Variants in DYNC1H1 observed in about 807,000 individuals in gnomAD.
The protein encoded by DYNC1H1 is dynein cytoplasmic 1 heavy chain 1.
In DYNC1H1, 51 loss-of-function variants were observed where a neutral mutation model predicts 527.1. That is an observed-to-expected ratio of 0.10 (90% confidence interval 0.08 to 0.12). The LOEUF is 0.12. Ranked by LOEUF, DYNC1H1 falls within the 10% of genes least tolerant of loss-of-function variation. DYNC1H1 has a pLI of 1.00. For missense variants in DYNC1H1, 2,771 were observed against 5,971.8 expected, an observed-to-expected ratio of 0.46 and a Z score of 17.66; for synonymous variants, 2,189 against 2,278.8, an observed-to-expected ratio of 0.96 and a Z score of 1.12.
chr14:101,994,554 A>G (rs2048036056), intron 12 of DYNC1H1, 119 bp from the exon 13 acceptor site: 11 of 1,417,016 alleles, frequency 7.8e-6, no homozygotes, highest in Non-Finnish European at 1.1e-5. Flanking sequence ...CTGAAGTGAG[A>G]ATTTCTCTAA....
intron 23 of DYNC1H1, among the ~76,000 whole-genome samples, chr14:102,004,085 C>CA (rs542865755): frequency 0.037 from 5,459 of 148,990 alleles, 229 homozygotes; most frequent in East Asian, 0.23. Flanking sequence ...ACTAAAAATA[C>CA]AAAAAAAAAT....
rs1301380459 is a variant in DYNC1H1, at chr14:102,053,802, A to G, written c.*3239A>G. Reference sequence around the variant, plus strand: ...GGCTCTGTCACTGAGGCTGGAGTGCAGTGATGCAACCTCATCTCACTGCAG... The same window carrying G: ...GGCTCTGTCACTGAGGCTGGAGTGCGGTGATGCAACCTCATCTCACTGCAG... On this transcript the variant is annotated 3_prime_UTR_variant, in exon 78 of 78. Transcript: ENST00000360184. The G allele has an allele frequency of 2.7e-5, 4 of 146,564 alleles. No homozygotes were observed. The highest frequency in any genetic ancestry group is 5.9e-5 in the Non-Finnish European group (4 of 67,450). The allele number at this position is 146,564 out of a possible 1,614,324, so 9.1% of individuals were successfully genotyped here.
Position 102,050,514 on chromosome 14 carries a change from A to G in DYNC1H1, c.13892A>G (p.Asp4631Gly), listed in dbSNP as rs2048794990. 6.2e-7 allele frequency: 1 copy of G among 1,614,102 alleles called. No individual in the cohort carries two copies. Among genetic ancestry groups the G allele is most frequent in the Admixed American group, 1.7e-5 (1 of 60,000 alleles). ...TVDFEIATKE[D>G]PRSFYERGVA... ...GACTTCGAAATTGCTACAAAGGAGG[A>G]TCCTCGCAGCTTCTACGAGCGGGGT... Residue 4631 changes from aspartate to glycine, a missense_variant, in exon 78 of 78, where the codon GAT becomes GGT. Around this residue, in one of 32 missense-constraint regions of DYNC1H1, gnomAD observed 106 missense variants for 139.2 expected, o/e 0.76. Coordinates refer to ENST00000360184, the MANE Select transcript of DYNC1H1 (RefSeq NM_001376.5).
chr14:101,989,690 G>A (rs1429495969), intron 10 of DYNC1H1, among the ~76,000 whole-genome samples: 2 of 151,980 alleles, frequency 1.3e-5, no homozygotes, highest in Non-Finnish European at 2.9e-5. Context: ...CTTGAAAAAT[G>A]TTTTCACTGT....
Position 102,018,331 on chromosome 14 carries a change from T to C in DYNC1H1, c.8178-120T>C, listed in dbSNP as rs1005747504. On this transcript the variant is annotated intron_variant, in intron 40 of 77. Coordinates refer to ENST00000360184, the MANE Select transcript of DYNC1H1 (RefSeq NM_001376.5). The surrounding 1 kb of genome is among the most constrained non-coding windows in gnomAD (Gnocchi z 5.2). Reference sequence around the variant, plus strand: ...AGCTAACACTGATGTCAAGTCTGCATAGCTGGGTTAGGAAGCGACCTCCAG... The same window carrying C: ...AGCTAACACTGATGTCAAGTCTGCACAGCTGGGTTAGGAAGCGACCTCCAG... 5 of 1,406,262 alleles carry C rather than the reference T, an allele frequency of 3.6e-6. No homozygotes were observed. The highest frequency in any genetic ancestry group is 2.6e-5 in the South Asian group (2 of 77,384). The allele number at this position is 1,406,262 out of a possible 1,614,324, so 87.1% of individuals were successfully genotyped here.
chr14:101,986,075 A>T lies in DYNC1H1; in HGVS notation c.1850A>T (p.Glu617Val). Residue 617 changes from glutamate (E) to valine (V), a missense_variant, in exon 8 of 78, where the codon GAG (glutamate) becomes GTG (valine). This residue lies in a region of DYNC1H1 where 264 missense variants were observed against 619.4 expected (regional missense o/e 0.43). Transcript: ENST00000360184. The surrounding 1 kb of genome is among the most constrained non-coding windows in gnomAD (Gnocchi z 8.7). ...ATCCAGCGCGTGAAAGATGACATTG[A>T]GTCTCTTCACGACAAGTTCAAGGTC... ...QLIQRVKDDI[E>V]SLHDKFKVQY... The T allele has an allele frequency of 3.1e-6, 5 of 1,614,220 alleles. No homozygotes were observed. The highest frequency in any genetic ancestry group is 4.2e-6 in the Non-Finnish European group (5 of 1,180,040).
At chr14:102,023,363 T>G in intron 43 of DYNC1H1, 1 of 276,958 alleles carries the variant, frequency 3.6e-6, no homozygotes, top group South Asian at 3.7e-5. Flanking sequence ...CAGCCTGACC[T>G]ACATGGAGAA....
rs1334742659 is a variant in DYNC1H1, at chr14:102,029,607, C to T, written c.9537C>T (p.Phe3179=). 2 of 1,614,116 alleles carry T rather than the reference C, an allele frequency of 1.2e-6. No homozygotes were observed. Among genetic ancestry groups the T allele is most frequent in the East Asian group, 2.2e-5 (1 of 44,894 alleles). The change falls in exon 49 of 78, where the codon TTC becomes TTT. Residue 3179 remains phenylalanine (F), a synonymous_variant. Transcript: ENST00000360184. The surrounding 1 kb of genome is among the most constrained non-coding windows in gnomAD (Gnocchi z 5.3). ...MAITPRHYLD[F]INHYANLFHE... Reference sequence around the variant, plus strand: ...TCACCCCTCGCCACTACCTGGACTTCATCAATCACTATGCCAACCTGTTCC... The same window carrying T: ...TCACCCCTCGCCACTACCTGGACTTTATCAATCACTATGCCAACCTGTTCC...
rs889730702 is a variant in DYNC1H1, at chr14:101,983,338, A to AAT, written c.1234-41_1234-40dup. On this transcript the variant is annotated intron_variant, in intron 6 of 77. Coordinates refer to ENST00000360184, the MANE Select transcript of DYNC1H1 (RefSeq NM_001376.5). This position sits in a 1 kb window ranked among gnomAD's most constrained non-coding sequence, Gnocchi z 5.3. ...ACCAACCTCAAGACATTGAGATGAAAATATGTCTTAATAATAAGCCTCACT... is the reference window on the plus strand; with the variant it reads ...ACCAACCTCAAGACATTGAGATGAAAATATATGTCTTAATAATAAGCCTCACT... 6.2e-7 allele frequency: 1 copy of AAT among 1,613,854 alleles called. No homozygotes were observed. The highest frequency in any genetic ancestry group is 1.3e-5 in the African/African-American group (1 of 74,940).
At chr14:102,047,672 C>T (rs536057938) in intron 72 of DYNC1H1, 145 bp from the exon 73 acceptor site, 33 of 598,740 alleles carry the variant, frequency 5.5e-5, no homozygotes, top group Middle Eastern at 8.8e-4. Context: ...TATGTACACA[C>T]GGCTGAGCAC....
In DYNC1H1 at chr14:102,044,321, G is replaced by A; in HGVS notation, c.12732G>A (p.Lys4244=). The change falls in exon 71 of 78, where the codon AAG becomes AAA. Residue 4244 remains lysine (K), a synonymous_variant. Coordinates refer to ENST00000360184, the MANE Select transcript of DYNC1H1 (RefSeq NM_001376.5). The surrounding 1 kb of genome is among the most constrained non-coding windows in gnomAD (Gnocchi z 7.1). ...ATAAGATCCCGTGGTCTGCACTAAA[G>A]ACCTTAATGGCCCAGTCCATTTATG... ...SPDKIPWSAL[K]TLMAQSIYGG... 6.2e-7 allele frequency: 1 copy of A among 1,614,230 alleles called. No homozygotes were observed. Among genetic ancestry groups the A allele is most frequent in the Non-Finnish European group, 8.5e-7 (1 of 1,180,048 alleles).
At chr14:102,048,448 C>T in intron 73 of DYNC1H1, 68 bp from the exon 74 acceptor site, 1 of 1,607,514 alleles carries the variant, frequency 6.2e-7, no homozygotes, top group South Asian at 1.1e-5. Flanking sequence ...CGAGTTACTT[C>T]TGTTTGACCT....
At chr14:102,013,062 AC>A (rs1234227617) in intron 34 of DYNC1H1, among the ~76,000 whole-genome samples, 1 of 152,124 alleles carries the variant, frequency 6.6e-6, no homozygotes, top group Non-Finnish European at 1.5e-5. Flanking sequence ...ATTCTGGCTA[AC>A]ATGATGAAAC....
intron 72 of DYNC1H1, among the ~76,000 whole-genome samples, chr14:102,046,177 A>G (rs1165917100): frequency 6.6e-6 from 1 of 152,000 alleles, no homozygotes; most frequent in Non-Finnish European, 1.5e-5. Flanking sequence ...CAAAAAAAAA[A>G]AAAAAGAAAT....
At position 102,029,739 on chromosome 14, in the gene DYNC1H1, G is replaced by A. The variant is rs762934018; in HGVS notation, c.9642+27G>A. 32 of 1,614,018 alleles carry A rather than the reference G, an allele frequency of 2.0e-5. No homozygotes were observed. Among genetic ancestry groups the A allele is most frequent in the African/African-American group, 4.0e-5 (3 of 74,908 alleles). On this transcript the variant is annotated intron_variant, in intron 49 of 77. Coordinates refer to ENST00000360184, the MANE Select transcript of DYNC1H1 (RefSeq NM_001376.5). The surrounding 1 kb of genome is among the most constrained non-coding windows in gnomAD (Gnocchi z 5.3). ...TGCGTCACAGGCACAAATTCCTCAC[G>A]GGAGTGAGCTGCAGTGAGGACCCCT...
chr14:102,056,039 C>T lies in DYNC1H1; in HGVS notation c.*5476C>T, dbSNP rs1208776504. On this transcript the variant is annotated 3_prime_UTR_variant, in exon 78 of 78. Coordinates refer to ENST00000360184, the MANE Select transcript of DYNC1H1 (RefSeq NM_001376.5). The stretch of plus-strand genomic sequence containing the variant: ...TCCTGACTGGGGGGAGAGAGACCCT[C>T]TCATATTGTTTTATACTCAGTACCT... 1.3e-5 allele frequency: 2 copies of T among 152,208 alleles called. No homozygotes were observed. The highest frequency in any genetic ancestry group is 2.9e-5 in the Non-Finnish European group (2 of 68,050). The allele number at this position is 152,208 out of a possible 1,614,324, so 9.4% of individuals were successfully genotyped here.
In DYNC1H1 at chr14:102,038,687, T is replaced by G. The variant is rs765267658; in HGVS notation, c.11056-11T>G. On this transcript the variant is annotated splice_polypyrimidine_tract_variant and intron_variant, in intron 58 of 77. Transcript: ENST00000360184. This position sits in a 1 kb window ranked among gnomAD's most constrained non-coding sequence, Gnocchi z 7.2. ...GATTAAGACAGACTGTTCTGTTACC[T>G]ATTTTGGCAGGTCGAGTTCCCACCA... is the stretch of plus-strand genomic sequence containing the variant. 3 of 1,614,248 alleles carry G rather than the reference T, an allele frequency of 1.9e-6. No homozygotes were observed. In the South Asian group the frequency reaches 3.3e-5, roughly 18 times the overall value.
chr14:101,984,446 T>TA lies in DYNC1H1; in HGVS notation c.1461+837_1461+838insA, dbSNP rs1566998436. Among the ~76,000 whole-genome samples, 77 of 123,570 alleles carry TA rather than the reference T, an allele frequency of 6.2e-4. 1 individual carries two copies. The highest frequency in any genetic ancestry group is 2.6e-3 in the African/African-American group (72 of 27,630). The allele number at this position is 123,570 out of a possible 152,430, so 81.1% of individuals were successfully genotyped here. A position where few individuals can be genotyped will look rare whatever the true frequency, so the allele number is the denominator to read the frequency against. Reference sequence around the variant, plus strand: ...GTGTGTGTGTGTATATATATATATATTATATTTTTTTTTTTTTTTTTTTTT... The same window carrying TA: ...GTGTGTGTGTGTATATATATATATATATATATTTTTTTTTTTTTTTTTTTTT... On this transcript the variant is annotated intron_variant, in intron 7 of 77. Transcript: ENST00000360184.
chr14:101,970,245 T>G (rs905280196), intron 1 of DYNC1H1, among the ~76,000 whole-genome samples: 1 of 152,054 alleles, frequency 6.6e-6, no homozygotes, highest in East Asian at 1.9e-4. Flanking sequence ...AGGAGAATAC[T>G]CCGACTTTCT....
Sources: allele counts gnomAD v4.1 joint callset (sites outside exome capture counted in the v4.1 genomes callset), GRCh38; gene constraint gnomAD v4.1.1; regional missense constraint gnomAD v4.1.1; non-coding constraint Gnocchi (gnomAD v3.1); transcripts MANE v1.5; gene names NCBI Gene and HGNC (gene_info 2026-07-23, HGNC 2026-07-21).